Variants in PHACTR2 observed in about 807,000 individuals in gnomAD.
PHACTR2 encodes the protein phosphatase and actin regulator 2.
Under a neutral mutation model 76.0 loss-of-function variants are expected in PHACTR2, and 30 were observed. The ratio of observed to expected loss-of-function variants is 0.39; its 90% CI spans 0.30 to 0.54. The LOEUF (loss-of-function observed/expected upper bound fraction) is 0.54, where lower values mean the gene tolerates loss of function less well. PHACTR2 is among the 20% of genes least tolerant of loss of function. PHACTR2 has a pLI of 0.61. For synonymous variants in PHACTR2, 292 were observed against 292.5 expected, an observed-to-expected ratio of 1.00 and a Z score of 0.02; for missense variants, 696 against 781.1, an observed-to-expected ratio of 0.89 and a Z score of 1.30.
rs1301791805 is a variant in PHACTR2 at position 143,617,601 on chromosome 6, TTC to T, written c.13+9285_13+9286del. ...CAACCACTGTTAGAGTCCTCTCTCTTTCTCTCTTTTCTTTCCCCTTTCTCTCC... is the reference window on the plus strand; with the variant it reads ...CAACCACTGTTAGAGTCCTCTCTCTTTCTCTTTTCTTTCCCCTTTCTCTCC... On this transcript the variant is annotated intron_variant, in intron 1 of 11. Transcript: ENST00000305766. The surrounding 1 kb of genome is among the most constrained non-coding windows in gnomAD (Gnocchi z 4.8). Among the ~76,000 whole-genome samples the T allele has an allele frequency of 6.6e-6, 1 of 152,182 alleles. No individual in the cohort carries two copies. The highest frequency in any genetic ancestry group is 2.4e-5 in the African/African-American group (1 of 41,434).
At chr6:143,714,497 G>T (rs904531534) in intron 2 of PHACTR2, among the ~76,000 whole-genome samples, 1 of 152,198 alleles carries the variant, frequency 6.6e-6, no homozygotes, top group Non-Finnish European at 1.5e-5. Flanking sequence ...GCCAGTTTTG[G>T]TGGTCCTTGA....
At chr6:143,724,074 T>A (rs928313429) in intron 2 of PHACTR2, among the ~76,000 whole-genome samples, 1 of 152,066 alleles carries the variant, frequency 6.6e-6, no homozygotes, top group South Asian at 2.1e-4. Flanking sequence ...GCGATTGTCC[T>A]GCCTCAGCCT....
At chr6:143,763,124 C>T (rs187895201) in intron 5 of PHACTR2, among the ~76,000 whole-genome samples, 56 of 152,078 alleles carry the variant, frequency 3.7e-4, no homozygotes, top group African/African-American at 1.3e-3. Context: ...TTTGGGAGGC[C>T]GAGGCAGGTG....
intron 1 of PHACTR2, among the ~76,000 whole-genome samples, chr6:143,575,248 G>C (rs1775492345): frequency 1.3e-5 from 2 of 152,070 alleles, no homozygotes; most frequent in South Asian, 2.1e-4. Flanking sequence ...TTCATAGTTC[G>C]ATGAGATAGC....
chr6:143,579,007 C>T (rs1775544700), intron 1 of PHACTR2, among the ~76,000 whole-genome samples: 1 of 152,080 alleles, frequency 6.6e-6, no homozygotes, highest in Non-Finnish European at 1.5e-5. Context: ...GGGTTCAAGC[C>T]ATCCTCCTGC....
chr6:143,659,663 G>A lies in PHACTR2; in HGVS notation c.13+51341G>A, dbSNP rs370324156. 9.2e-5 allele frequency among the ~76,000 whole-genome samples: 14 copies of A among 152,266 alleles called. No individual in the cohort carries two copies. The East Asian group carries it at 1.2e-3, about 13-fold the overall frequency. On this transcript the variant is annotated intron_variant, in intron 1 of 11. Transcript: ENST00000305766. The surrounding 1 kb of genome is among the most constrained non-coding windows in gnomAD (Gnocchi z 5.0). ...GACAGACGTGCCCTCTCAGGGGGAG[G>A]GGATCACACAAAGGTGGATTACCTG...
In PHACTR2 at chr6:143,578,208, C is replaced by T. The variant is rs1187273576; in HGVS notation, c.217+41001C>T. On this transcript the variant is annotated intron_variant, in intron 1 of 11. Coordinates refer to the PHACTR2 transcript ENST00000367584. The surrounding 1 kb of genome is among the most constrained non-coding windows in gnomAD (Gnocchi z 4.5). ...GCTCCATGAGAGCTGGAGAGGGGTC[C>T]CCAGACCTCCATCCTCACGGTCCAG... 2.6e-5 allele frequency among the ~76,000 whole-genome samples: 4 copies of T among 152,160 alleles called. No homozygotes were observed. Among genetic ancestry groups the T allele is most frequent in the Non-Finnish European group, 1.5e-5 (1 of 68,034 alleles).
rs1283684238 is a variant in PHACTR2, at chr6:143,793,772, C to T, written c.1845+4862C>T. Among the ~76,000 whole-genome samples the T allele has an allele frequency of 6.6e-6, 1 of 151,866 alleles. No homozygotes were observed. Among genetic ancestry groups the T allele is most frequent in the Non-Finnish European group, 1.5e-5 (1 of 67,990 alleles). On this transcript the variant is annotated intron_variant, in intron 11 of 12. Transcript: ENST00000440869. This position sits in a 1 kb window ranked among gnomAD's most constrained non-coding sequence, Gnocchi z 4.4. ...TCTACTAAAAAATACAAAAAATTAG[C>T]CGGGTGTGGTGGCGCGTACCTGTAG... is the stretch of plus-strand genomic sequence containing the variant.
intron 2 of PHACTR2, among the ~76,000 whole-genome samples, chr6:143,735,579 A>G (rs1396037803): frequency 6.6e-6 from 1 of 152,124 alleles, no homozygotes; most frequent in African/African-American, 2.4e-5. Context: ...TGCCCATTCA[A>G]CAACTTCCCA....
At position 143,806,527 on chromosome 6, in the gene PHACTR2, G is replaced by T. The variant is rs1394114153; in HGVS notation, c.1846-530G>T. On this transcript the variant is annotated intron_variant, in intron 11 of 12. Coordinates refer to ENST00000440869, the MANE Select transcript of PHACTR2 (RefSeq NM_001100164.2). The surrounding 1 kb of genome is among the most constrained non-coding windows in gnomAD (Gnocchi z 5.8). ...TCATCGTGGGTGGGGGATGTTCCGT[G>T]TGACTCATAGACCAGACTCAAGGAT... Among the ~76,000 whole-genome samples, 1 of 152,154 alleles carries T rather than the reference G, an allele frequency of 6.6e-6. No individual in the cohort carries two copies. The highest frequency in any genetic ancestry group is 1.5e-5 in the Non-Finnish European group (1 of 68,036).
rs898404486 is a variant in PHACTR2 at position 143,783,047 on chromosome 6, G to A, written c.1646-172G>A. On this transcript the variant is annotated intron_variant, in intron 9 of 12. Transcript: ENST00000440869. The surrounding 1 kb of genome is among the most constrained non-coding windows in gnomAD (Gnocchi z 5.2). ...TGTGTGTGTGTGTGTATGTGTGTGT[G>A]TGTGTAAGATGATCAACCTTCCTAC... is the stretch of plus-strand genomic sequence containing the variant. Among the ~76,000 whole-genome samples the A allele has an allele frequency of 2.7e-5, 4 of 146,600 alleles. No homozygotes were observed. The highest frequency in any genetic ancestry group is 3.9e-4 in the East Asian group (2 of 5,090).
In PHACTR2 at chr6:143,809,710, G is replaced by T. The variant is rs1289614879; in HGVS notation, c.1922+2577G>T. Reference sequence around the variant, plus strand: ...TCCATGCATTTATAAATGTGTGTATGTGTGTATATATATATATATATTAAA... The same window carrying T: ...TCCATGCATTTATAAATGTGTGTATTTGTGTATATATATATATATATTAAA... On this transcript the variant is annotated intron_variant, in intron 12 of 12. Transcript: ENST00000440869. This position sits in a 1 kb window ranked among gnomAD's most constrained non-coding sequence, Gnocchi z 4.2. Among the ~76,000 whole-genome samples, 1 of 136,132 alleles carries T rather than the reference G, an allele frequency of 7.3e-6. No homozygotes were observed. Among genetic ancestry groups the T allele is most frequent in the Non-Finnish European group, 1.7e-5 (1 of 59,046 alleles). The allele number at this position is 136,132 out of a possible 152,430, so 89.3% of individuals were successfully genotyped here.
At chr6:143,612,349 G>T (rs9496704) in intron 1 of PHACTR2, among the ~76,000 whole-genome samples, 7,319 of 152,220 alleles carry the variant, frequency 0.048, 472 homozygotes, top group African/African-American at 0.14. Flanking sequence ...AACCTTAGCA[G>T]CCCAGGTTGT....
chr6:143,654,552 C>G lies in PHACTR2; in HGVS notation c.13+46230C>G, dbSNP rs118069363. Among the ~76,000 whole-genome samples, 1,532 of 152,278 alleles carry G rather than the reference C, an allele frequency of 0.01. 9 individuals are homozygous for G. The highest frequency in any genetic ancestry group is 0.015 in the Non-Finnish European group (1,027 of 68,016). ...GGATACTGTGGCTCACACCTGTAAT[C>G]TTGGCACTTTGGGAGACTGAGGTGG... On this transcript the variant is annotated intron_variant, in intron 1 of 11. Transcript: ENST00000305766. The surrounding 1 kb of genome is among the most constrained non-coding windows in gnomAD (Gnocchi z 4.6).
chr6:143,716,789 G>A (rs7769784), intron 2 of PHACTR2, among the ~76,000 whole-genome samples: 12,895 of 152,254 alleles, frequency 0.085, 1,840 homozygotes, highest in African/African-American at 0.29. Context: ...TAAGCCTGTG[G>A]TGCTGGAGCT....
At chr6:143,613,603 G>A (rs1001633115) in intron 1 of PHACTR2, among the ~76,000 whole-genome samples, 2 of 152,206 alleles carry the variant, frequency 1.3e-5, no homozygotes, top group East Asian at 3.8e-4. Flanking sequence ...TTTGTTCTGA[G>A]CGTTTCTTTC....
At chr6:143,642,264 G>A (rs1382201331) in intron 1 of PHACTR2, among the ~76,000 whole-genome samples, 1 of 152,204 alleles carries the variant, frequency 6.6e-6, no homozygotes, top group Non-Finnish European at 1.5e-5. Flanking sequence ...GTACCACATT[G>A]TTATTAGGGA....
chr6:143,779,549 T>C (rs1775368026), intron 9 of PHACTR2, among the ~76,000 whole-genome samples: 1 of 152,020 alleles, frequency 6.6e-6, no homozygotes, highest in Admixed American at 6.6e-5. Flanking sequence ...GGAGTTTTGC[T>C]ATGTTGGCCA....
At chr6:143,605,893 A>T (rs868058825), upstream of PHACTR2, among the ~76,000 whole-genome samples, 22 of 152,318 alleles carry the variant, frequency 1.4e-4, no homozygotes, top group Middle Eastern at 3.4e-3. This position sits in a 1 kb window ranked among gnomAD's most constrained non-coding sequence, Gnocchi z 5.0. Context: ...GATGTGATAT[A>T]ATGACATATG....
Sources: allele counts gnomAD v4.1 joint callset (sites outside exome capture counted in the v4.1 genomes callset), GRCh38; gene constraint gnomAD v4.1.1; non-coding constraint Gnocchi (gnomAD v3.1); transcripts MANE v1.5; gene names NCBI Gene and HGNC (gene_info 2026-07-23, HGNC 2026-07-21).